NBAS: variants seen among roughly 807,000 people sequenced by gnomAD.
NBAS encodes NAG/BC035112 fusion.
A neutral mutation model predicts 302.5 loss-of-function variants in NBAS; 219 were observed. The ratio of observed to expected loss-of-function variants is 0.72; its 90% CI spans 0.65 to 0.81. NBAS has a LOEUF of 0.81. NBAS is among the 30% of genes least tolerant of loss of function. NBAS has a pLI of 0.00. For missense variants in NBAS, 2,932 were observed against 2,841.6 expected, an observed-to-expected ratio of 1.03 and a Z score of -0.72; for synonymous variants, 1,118 against 1,021.6, an observed-to-expected ratio of 1.09 and a Z score of -1.80.
intron 9 of NBAS, among the ~76,000 whole-genome samples, chr2:15,522,990 C>A (rs1439132501): frequency 6.6e-6 from 1 of 152,200 alleles, no homozygotes; most frequent in Non-Finnish European, 1.5e-5. Context: ...TTTACATAGT[C>A]TGTTTACAAG....
chr2:14,889,590 A>G, the NBAS span, among the ~76,000 whole-genome samples: 1 of 152,200 alleles, frequency 6.6e-6, no homozygotes, highest in African/African-American at 2.4e-5. Flanking sequence ...CATTCCTACC[A>G]TACAGGGAGT....
rs1039654533 is a variant in NBAS, at chr2:15,539,290, T to A, written c.446A>T (p.Tyr149Phe). 7 of 1,614,094 alleles carry A rather than the reference T, an allele frequency of 4.3e-6. No homozygotes were observed. Among genetic ancestry groups the A allele is most frequent in the Non-Finnish European group, 5.9e-6 (7 of 1,180,036 alleles). Residue 149 changes from tyrosine to phenylalanine, a missense_variant, in exon 7 of 52, where the codon TAT becomes TTT. Transcript: ENST00000281513. The stretch of plus-strand genomic sequence containing the variant: ...CCTCACAGTTCCTGTGCTTTCGGCA[T>A]AGGCCAGTAGGGTACAATCGTAACT... ...AWSYDCTLLA[Y>F]AESTGTVRVF...
At chr2:15,557,916 C>T (rs1664721546) in intron 2 of NBAS, among the ~76,000 whole-genome samples, 2 of 152,150 alleles carry the variant, frequency 1.3e-5, no homozygotes, top group South Asian at 2.1e-4. Context: ...TAAATGAATA[C>T]CCTGGCTTAT....
At chr2:15,257,377 T>C (rs374315306) in intron 44 of NBAS, among the ~76,000 whole-genome samples, 13 of 151,970 alleles carry the variant, frequency 8.6e-5, no homozygotes, top group African/African-American at 3.1e-4. Flanking sequence ...GTGGTATCAG[T>C]TGTAACATCT....
intron 35 of NBAS, among the ~76,000 whole-genome samples, chr2:15,347,766 A>C (rs962189890): frequency 6.6e-6 from 1 of 152,226 alleles, no homozygotes; most frequent in African/African-American, 2.4e-5. Context: ...TGTTCCATCT[A>C]AAAAGCATAA....
the NBAS span, among the ~76,000 whole-genome samples, chr2:14,919,555 G>C: frequency 2.0e-5 from 3 of 152,156 alleles, no homozygotes; most frequent in Non-Finnish European, 2.9e-5. Context: ...ATGGCATGTT[G>C]TTTGATAGCA....
intron 2 of NBAS, among the ~76,000 whole-genome samples, chr2:15,557,283 A>G (rs1466126723): frequency 6.6e-6 from 1 of 152,170 alleles, no homozygotes; most frequent in Non-Finnish European, 1.5e-5. Flanking sequence ...GCTATAAAAA[A>G]CAATGCTTTC....
chr2:15,561,313 AGGACTCAGGCAGC>A lies in NBAS; in HGVS notation c.-22_-10del, dbSNP rs780419508. ...GACTCGGGGGCCGCCATGTTCGCCGAGGACTCAGGCAGCGGAGGAGTGTCTCTACGGAATCCCT... is the reference window on the plus strand; with the variant it reads ...GACTCGGGGGCCGCCATGTTCGCCGAGGAGGAGTGTCTCTACGGAATCCCT... On this transcript the variant is annotated 5_prime_UTR_variant, in exon 1 of 52. Transcript: ENST00000281513. 5 of 1,611,394 alleles carry A rather than the reference AGGACTCAGGCAGC, an allele frequency of 3.1e-6. No individual in the cohort carries two copies. Among genetic ancestry groups the A allele is most frequent in the Non-Finnish European group, 4.2e-6 (5 of 1,179,354 alleles).
chr2:15,054,367 C>G, the NBAS span, among the ~76,000 whole-genome samples: 1 of 152,160 alleles, frequency 6.6e-6, no homozygotes, highest in Non-Finnish European at 1.5e-5. Flanking sequence ...AAAGTTCTAC[C>G]ACTATCTACT....
At chr2:14,805,277 T>G in the NBAS span, among the ~76,000 whole-genome samples, 2 of 151,982 alleles carry the variant, frequency 1.3e-5, no homozygotes, top group African/African-American at 4.8e-5. Context: ...GAAAATTAAA[T>G]AAGTTAAATA....
intron 40 of NBAS, among the ~76,000 whole-genome samples, chr2:15,307,627 C>G (rs999601077): frequency 1.3e-5 from 2 of 152,140 alleles, no homozygotes; most frequent in African/African-American, 4.8e-5. Context: ...GATTTTTCAG[C>G]GGCATCTGTA....
chr2:15,191,766 T>A (rs944913724), intron 48 of NBAS, among the ~76,000 whole-genome samples: 1 of 152,190 alleles, frequency 6.6e-6, no homozygotes, highest in Non-Finnish European at 1.5e-5. Context: ...AGTTGGGAGT[T>A]TGGCAATGTT....
rs928038770 is a variant in NBAS at position 15,292,890 on chromosome 2, A to G, written c.4798-124T>C. On this transcript the variant is annotated intron_variant, in intron 40 of 51. Transcript: ENST00000281513. Reference sequence around the variant, plus strand: ...TGGCCCTGTACACTATTGCCATTTCATAAGGCTCACAACGGCCCTGAAAAG... The same window carrying G: ...TGGCCCTGTACACTATTGCCATTTCGTAAGGCTCACAACGGCCCTGAAAAG... 1.9e-5 allele frequency: 18 copies of G among 968,698 alleles called. 2 individuals are homozygous for G. The South Asian group carries it at 2.4e-4, about 13-fold the overall frequency. 60.0% of individuals were successfully genotyped at this position (968,698 alleles called of 1,614,324 possible). A position where few individuals can be genotyped will look rare whatever the true frequency, so the allele number is the denominator to read the frequency against.
the NBAS span, among the ~76,000 whole-genome samples, chr2:15,118,228 C>A: frequency 1.3e-5 from 2 of 152,186 alleles, no homozygotes; most frequent in African/African-American, 2.4e-5. Flanking sequence ...TGGCTCTCAG[C>A]CTGTGACAGT....
intron 21 of NBAS, among the ~76,000 whole-genome samples, chr2:15,450,633 T>C (rs188746450): frequency 8.9e-4 from 136 of 152,326 alleles, no homozygotes; most frequent in South Asian, 2.7e-3. Context: ...ATTTACTGAA[T>C]CAAATATAAT....
the NBAS span, among the ~76,000 whole-genome samples, chr2:14,793,060 G>A: frequency 7.2e-6 from 1 of 139,458 alleles, no homozygotes; most frequent in Non-Finnish European, 1.5e-5. Context: ...TTCTTTCTCT[G>A]TCTCTGTTTC....
chr2:15,376,536 T>G (rs1674749189), intron 30 of NBAS, among the ~76,000 whole-genome samples: 1 of 152,158 alleles, frequency 6.6e-6, no homozygotes, highest in Non-Finnish European at 1.5e-5. Flanking sequence ...TTAAACAACT[T>G]TGTCAAGTTC....
At chr2:14,827,212 A>G in the NBAS span, among the ~76,000 whole-genome samples, 1 of 152,246 alleles carries the variant, frequency 6.6e-6, no homozygotes, top group Non-Finnish European at 1.5e-5. Context: ...TGTGAATTCA[A>G]AAGAAACTGC....
the NBAS span, among the ~76,000 whole-genome samples, chr2:14,941,804 T>C: frequency 6.6e-6 from 1 of 152,260 alleles, no homozygotes; most frequent in Non-Finnish European, 1.5e-5. Flanking sequence ...AGCATCTTCA[T>C]TTCCTTCCAC....
Sources: allele counts gnomAD v4.1 joint callset (sites outside exome capture counted in the v4.1 genomes callset), GRCh38; gene constraint gnomAD v4.1.1; transcripts MANE v1.5; gene names NCBI Gene and HGNC (gene_info 2026-07-23, HGNC 2026-07-21).